Variants in STK24 observed in about 807,000 individuals in gnomAD.
STK24 encodes serine/threonine kinase 24, also known as serine/threonine-protein kinase 24.
Under a neutral mutation model 55.6 loss-of-function variants are expected in STK24, and 21 were observed. The ratio of observed to expected loss-of-function variants is 0.38; its 90% CI spans 0.27 to 0.54. The LOEUF is 0.54. STK24 is among the 20% of genes least tolerant of loss of function. The pLI is 0.79. For synonymous variants in STK24, 200 were observed against 215.2 expected, an observed-to-expected ratio of 0.93 and a Z score of 0.62; for missense variants, 383 against 538.4, an observed-to-expected ratio of 0.71 and a Z score of 2.86.
intron 1 of STK24, among the ~76,000 whole-genome samples, chr13:98,568,542 A>G (rs1408990898): frequency 6.6e-6 from 1 of 152,184 alleles, no homozygotes; most frequent in Non-Finnish European, 1.5e-5. Context: ...TGCAGCAGAC[A>G]CAGCCGGAAG....
chr13:98,499,049 C>A (rs372989912), intron 2 of STK24, among the ~76,000 whole-genome samples: 1 of 152,314 alleles, frequency 6.6e-6, no homozygotes, highest in Non-Finnish European at 1.5e-5. Flanking sequence ...GCGCTTGAGA[C>A]CAGCCTGGCC....
chr13:98,514,437 C>T (rs1305516544), intron 2 of STK24, among the ~76,000 whole-genome samples: 1 of 152,146 alleles, frequency 6.6e-6, no homozygotes, highest in Non-Finnish European at 1.5e-5. Context: ...CTGTAACTAC[C>T]CACAATCAAT....
chr13:98,460,631 ATC>A, intron 8 of STK24, among the ~76,000 whole-genome samples, 191 bp from the exon 9 acceptor site: 1 of 152,276 alleles, frequency 6.6e-6, no homozygotes, highest in Non-Finnish European at 1.5e-5. Flanking sequence ...TCAAAGTTTC[ATC>A]TGCAGTGACA....
chr13:98,542,143 C>A (rs1896905450), intron 1 of STK24, among the ~76,000 whole-genome samples: 1 of 152,184 alleles, frequency 6.6e-6, no homozygotes, highest in South Asian at 2.1e-4. Context: ...GCGTTATTTT[C>A]TGGACATGGT....
rs1007409306 is a variant in STK24, at chr13:98,446,551, G to T, written c.*6622C>A. On this transcript the variant is annotated 3_prime_UTR_variant, in exon 11 of 11. Coordinates refer to ENST00000539966, the MANE Select transcript of STK24 (RefSeq NM_001032296.4). ...CTGCCATGGTCCCTTCCAGGCCCAC[G>T]CCCGAGGAGGGAGCTGCCTGGGCTC... 17 of 1,094,178 alleles carry T rather than the reference G, an allele frequency of 1.6e-5. No homozygotes were observed. The highest frequency in any genetic ancestry group is 2.3e-5 in the Non-Finnish European group (17 of 739,260). 67.8% of individuals were successfully genotyped at this position (1,094,178 alleles called of 1,614,324 possible). A position where few individuals can be genotyped will look rare whatever the true frequency, so the allele number is the denominator to read the frequency against.
chr13:98,482,548 A>G (rs1237815891), intron 2 of STK24, among the ~76,000 whole-genome samples: 1 of 152,134 alleles, frequency 6.6e-6, no homozygotes, highest in Non-Finnish European at 1.5e-5. Flanking sequence ...GGGGGCCCGC[A>G]CCTGACTCCC....
At chr13:98,561,699 G>A (rs1489761534) in intron 1 of STK24, among the ~76,000 whole-genome samples, 30 of 151,978 alleles carry the variant, frequency 2.0e-4, no homozygotes, top group Admixed American at 7.9e-4. Flanking sequence ...AGGGCTGGTC[G>A]GGTGCAGTGG....
intron 6 of STK24, 129 bp from the exon 7 acceptor site, chr13:98,463,965 G>A (rs1306765497): frequency 9.4e-6 from 10 of 1,064,612 alleles, no homozygotes; most frequent in South Asian, 9.3e-5. Flanking sequence ...ACTCCACAGC[G>A]CTTCTCACTG....
chr13:98,496,255 G>A (rs983143324), intron 2 of STK24, among the ~76,000 whole-genome samples: 4 of 152,244 alleles, frequency 2.6e-5, no homozygotes, highest in Non-Finnish European at 4.4e-5. Context: ...AAACAAGTCA[G>A]ATTTCCAACC....
rs1893070162 is a variant in STK24 at position 98,449,343 on chromosome 13, A to AT, written c.*3829dup. The AT allele has an allele frequency of 6.6e-6, 1 of 152,018 alleles. No homozygotes were observed. Among genetic ancestry groups the AT allele is most frequent in the Admixed American group, 6.5e-5 (1 of 15,272 alleles). The allele number at this position is 152,018 out of a possible 1,614,324, so 9.4% of individuals were successfully genotyped here. A position where few individuals can be genotyped will look rare whatever the true frequency, so the allele number is the denominator to read the frequency against. On this transcript the variant is annotated 3_prime_UTR_variant, in exon 11 of 11. Transcript: ENST00000539966. ...CAAAAACATTTCCCTTTTTATACTC[A>AT]TTCCCCCCAGGCATGGGGTAGTGTC...
chr13:98,525,831 C>A (rs1163587302), intron 1 of STK24, among the ~76,000 whole-genome samples: 1 of 152,224 alleles, frequency 6.6e-6, no homozygotes, highest in Non-Finnish European at 1.5e-5. Context: ...GGATCCAGCA[C>A]CTGTGGAGGT....
At position 98,475,364 on chromosome 13, in the gene STK24, A is replaced by T; in HGVS notation, c.331-6T>A. On this transcript the variant is annotated splice_polypyrimidine_tract_variant and splice_region_variant and intron_variant, in intron 3 of 10. Transcript: ENST00000539966. ...TCTAATGGGCCAGGTTCTAACTAAGAAGAGAAAAAAATTCTTAAAGTTACT... is the reference window on the plus strand; with the variant it reads ...TCTAATGGGCCAGGTTCTAACTAAGTAGAGAAAAAAATTCTTAAAGTTACT... 6.3e-7 allele frequency: 1 copy of T among 1,575,832 alleles called. No homozygotes were observed. Among genetic ancestry groups the T allele is most frequent in the Non-Finnish European group, 8.6e-7 (1 of 1,161,954 alleles).
intron 10 of STK24, chr13:98,456,387 G>A (rs1665361350): frequency 2.7e-5 from 12 of 437,872 alleles, no homozygotes; most frequent in South Asian, 2.0e-4. Flanking sequence ...GACACCTGAA[G>A]ATGAACTGTC....
chr13:98,572,542 T>G lies in STK24; in HGVS notation c.42+4203A>C, dbSNP rs374372395. On this transcript the variant is annotated intron_variant, in intron 1 of 10. Transcript: ENST00000539966. ...GCCTTCATTTCCCAGACTCCCAGAG[T>G]GCACAGGCTTCCCTAGGGTGGAGCA... Among the ~76,000 whole-genome samples, 10 of 152,180 alleles carry G rather than the reference T, an allele frequency of 6.6e-5. 1 individual carries two copies. The South Asian group carries it at 1.9e-3, about 28-fold the overall frequency.
intron 1 of STK24, among the ~76,000 whole-genome samples, chr13:98,522,727 C>T (rs781259308): frequency 8.5e-5 from 13 of 152,318 alleles, no homozygotes; most frequent in Middle Eastern, 3.4e-3. Context: ...CTGTGTCTCA[C>T]GCACCTCTAC....
chr13:98,556,689 T>C (rs558213965), intron 1 of STK24, among the ~76,000 whole-genome samples: 11 of 152,058 alleles, frequency 7.2e-5, no homozygotes, highest in Non-Finnish European at 1.6e-4. Context: ...AAAATGAAAG[T>C]CTGCTGGGTT....
At chr13:98,559,027 A>T (rs1006804005) in intron 1 of STK24, among the ~76,000 whole-genome samples, 2 of 149,944 alleles carry the variant, frequency 1.3e-5, no homozygotes, top group African/African-American at 4.9e-5. Flanking sequence ...AAAAAAAAAA[A>T]AAAAATACAA....
intron 2 of STK24, among the ~76,000 whole-genome samples, chr13:98,514,205 G>A (rs752804992): frequency 2.6e-5 from 4 of 152,316 alleles, no homozygotes; most frequent in Non-Finnish European, 5.9e-5. Flanking sequence ...TTATGCGGGG[G>A]AGAAGCATCC....
chr13:98,537,420 T>C (rs1896765783), intron 1 of STK24, among the ~76,000 whole-genome samples: 1 of 152,168 alleles, frequency 6.6e-6, no homozygotes, highest in Non-Finnish European at 1.5e-5. Context: ...ACGGGAGACC[T>C]CAACCCCATC....
Sources: allele counts gnomAD v4.1 joint callset (sites outside exome capture counted in the v4.1 genomes callset), GRCh38; gene constraint gnomAD v4.1.1; transcripts MANE v1.5; gene names NCBI Gene and HGNC (gene_info 2026-07-23, HGNC 2026-07-21).